Variants in AHI1 observed in about 807,000 individuals in gnomAD.
AHI1 encodes the protein Abelson helper integration site 1.
Under a neutral mutation model 149.3 loss-of-function variants are expected in AHI1, and 123 were observed. That is an observed-to-expected ratio of 0.82 (90% confidence interval 0.71 to 0.96). AHI1 has a LOEUF of 0.96. Among genes scored for constraint, AHI1 ranks in the 40% least tolerant of loss-of-function variants. The probability of loss-of-function intolerance (pLI) is 0.00; values close to 1 mark genes in which losing one functional copy is unlikely to be tolerated. For missense variants in AHI1, 1,439 were observed against 1,422.7 expected, an observed-to-expected ratio of 1.01 and a Z score of -0.18; for synonymous variants, 475 against 459.8, an observed-to-expected ratio of 1.03 and a Z score of -0.42.
intron 20 of AHI1, among the ~76,000 whole-genome samples, chr6:135,413,738 TA>T (rs11297517): frequency 0.8 from 120,919 of 150,434 alleles, 50,904 homozygotes; most frequent in Non-Finnish European, 0.91. Flanking sequence ...AAATTGAAAT[TA>T]AAAAAAAAAA....
intron 5 of AHI1, among the ~76,000 whole-genome samples, chr6:135,483,736 C>T (rs757711925): frequency 5.9e-5 from 9 of 152,020 alleles, no homozygotes; most frequent in Non-Finnish European, 1.3e-4. Flanking sequence ...TTTATCAAGC[C>T]CCTCTTATCT....
chr6:135,336,584 T>A (rs779667386), intron 24 of AHI1, among the ~76,000 whole-genome samples: 3 of 152,190 alleles, frequency 2.0e-5, no homozygotes, highest in Non-Finnish European at 4.4e-5. Context: ...GATGACAAAG[T>A]GAGACCCTGC....
At chr6:135,472,799 TAA>T (rs1264838363) in intron 5 of AHI1, among the ~76,000 whole-genome samples, 1 of 152,000 alleles carries the variant, frequency 6.6e-6, no homozygotes, top group Non-Finnish European at 1.5e-5. Context: ...GTCCTTTCGT[TAA>T]GTGTCCAAAT....
At chr6:135,349,155 A>T (rs915317405) in intron 24 of AHI1, among the ~76,000 whole-genome samples, 44 of 152,020 alleles carry the variant, frequency 2.9e-4, no homozygotes, top group African/African-American at 9.4e-4. Flanking sequence ...TAGCTAATTT[A>T]AAAAAAATGT....
intron 26 of AHI1, among the ~76,000 whole-genome samples, chr6:135,311,568 G>C (rs1785215095): frequency 6.6e-6 from 1 of 151,924 alleles, no homozygotes; most frequent in South Asian, 2.1e-4. Context: ...AACAACTCTA[G>C]TAATTAAAAC....
At chr6:135,423,996 A>G (rs1179764311) in intron 20 of AHI1, among the ~76,000 whole-genome samples, 1 of 152,088 alleles carries the variant, frequency 6.6e-6, no homozygotes, top group African/African-American at 2.4e-5. Context: ...TACTAGTAGG[A>G]AAAAGATGAA....
In AHI1 at chr6:135,397,009, T is replaced by A. The variant is rs554632925; in HGVS notation, c.2989-2113A>T. Among the ~76,000 whole-genome samples the A allele has an allele frequency of 1.8e-4, 28 of 151,972 alleles. 1 individual carries two copies. The highest frequency in any genetic ancestry group is 3.9e-4 in the East Asian group (2 of 5,184). On this transcript the variant is annotated intron_variant, in intron 22 of 28. Transcript: ENST00000265602. ...ATTCTTTTACAACAAAATTTTTTTTTAAAAAACCTGTAATCTATAATTATA... is the reference window on the plus strand; with the variant it reads ...ATTCTTTTACAACAAAATTTTTTTTAAAAAAACCTGTAATCTATAATTATA...
rs76816384 is a variant in AHI1 at position 135,305,248 on chromosome 6, C to T, written c.3427-4690G>A. 219 of 152,322 alleles carry T rather than the reference C, an allele frequency of 1.4e-3. 1 individual carries two copies. Among genetic ancestry groups the T allele is most frequent in the African/African-American group, 4.5e-3 (188 of 41,566 alleles). 9.4% of individuals were successfully genotyped at this position (152,322 alleles called of 1,614,324 possible). ...CCCTTTGTCATTTTCATTCTTGACA[C>T]TCCTCTATTCCCGTGGATTCAGATA... On this transcript the variant is annotated intron_variant, in intron 26 of 28. Coordinates refer to ENST00000265602, the MANE Select transcript of AHI1 (RefSeq NM_001134831.2).
At chr6:135,350,246 T>A (rs1006338557) in intron 24 of AHI1, among the ~76,000 whole-genome samples, 1 of 152,166 alleles carries the variant, frequency 6.6e-6, no homozygotes, top group Non-Finnish European at 1.5e-5. Context: ...CCAGCTTCCT[T>A]TCTGGGCCCT....
chr6:135,388,115 G>T, intron 23 of AHI1: 1 of 1,447,910 alleles, frequency 6.9e-7, no homozygotes, highest in Non-Finnish European at 9.5e-7. Context: ...GACATTTAAG[G>T]GCATCTGCCT....
chr6:135,419,706 G>A (rs937172158), intron 20 of AHI1, among the ~76,000 whole-genome samples: 1 of 151,984 alleles, frequency 6.6e-6, no homozygotes, highest in African/African-American at 2.4e-5. Context: ...GTTAATAAAG[G>A]GTCTGCTGAC....
intron 24 of AHI1, among the ~76,000 whole-genome samples, chr6:135,352,147 A>C (rs1474490434): frequency 6.6e-6 from 1 of 152,144 alleles, no homozygotes; most frequent in East Asian, 1.9e-4. Context: ...TAACGCCACC[A>C]CCTGCAATTT....
chr6:135,326,080 A>C (rs981581313), intron 24 of AHI1, among the ~76,000 whole-genome samples: 4 of 152,178 alleles, frequency 2.6e-5, no homozygotes, highest in African/African-American at 9.7e-5. Context: ...TACAGAACCA[A>C]ATACACACAT....
At chr6:135,391,567 G>T (rs1778494091) in intron 23 of AHI1, among the ~76,000 whole-genome samples, 1 of 151,972 alleles carries the variant, frequency 6.6e-6, no homozygotes, top group South Asian at 2.1e-4. Flanking sequence ...CTGATCTAGG[G>T]AATAAAATGT....
chr6:135,437,255 A>T (rs1462938309), intron 15 of AHI1, among the ~76,000 whole-genome samples: 1 of 152,244 alleles, frequency 6.6e-6, no homozygotes, highest in Non-Finnish European at 1.5e-5. Context: ...AAGGAAGCTG[A>T]GTAAAGTAAA....
chr6:135,476,158 TTTAG>T (rs1470009946), intron 5 of AHI1, among the ~76,000 whole-genome samples: 2 of 152,186 alleles, frequency 1.3e-5, no homozygotes, highest in African/African-American at 4.8e-5. Context: ...TAATTTCATT[TTTAG>T]TTAGTTCAAA....
intron 11 of AHI1, among the ~76,000 whole-genome samples, chr6:135,452,653 G>C (rs776751099): frequency 3.2e-4 from 49 of 152,076 alleles, no homozygotes; most frequent in Non-Finnish European, 4.7e-4. Flanking sequence ...TTGCTATAAT[G>C]ACTGAGAAGA....
At chr6:135,307,373 C>T (rs901864540) in intron 26 of AHI1, among the ~76,000 whole-genome samples, 8 of 151,928 alleles carry the variant, frequency 5.3e-5, no homozygotes, top group Admixed American at 3.3e-4. Context: ...AAAAGATTAG[C>T]GTATGTTTAA....
intron 27 of AHI1, among the ~76,000 whole-genome samples, chr6:135,293,205 A>T (rs887926930): frequency 9.2e-5 from 14 of 152,024 alleles, no homozygotes; most frequent in African/African-American, 3.4e-4. Flanking sequence ...TCCTGACAAA[A>T]ACTCTTAGGA....
Sources: gnomAD v4.1 joint callset for allele counts (sites outside exome capture counted in the v4.1 genomes callset) on GRCh38, gnomAD v4.1.1 for gene constraint, MANE v1.5 for transcripts, NCBI Gene and HGNC (gene_info 2026-07-23, HGNC 2026-07-21) for gene names.